TMIGD3: variants seen among roughly 807,000 people sequenced by gnomAD.
TMIGD3 encodes AD026 protein (AD026).
A neutral mutation model predicts 28.1 loss-of-function variants in TMIGD3; 21 were observed. The observed-to-expected ratio is 0.75, with a 90% CI of 0.53 to 1.08. The LOEUF (loss-of-function observed/expected upper bound fraction) is 1.08. Ranked by LOEUF, TMIGD3 falls within the 50% of genes least tolerant of loss-of-function variation. TMIGD3 has a pLI of 0.00. For synonymous variants in TMIGD3, 151 were observed against 162.1 expected (o/e 0.93, Z 0.52); for missense variants, 416 against 435.6 (o/e 0.96, Z 0.40).
chr1:111,562,243 C>T (rs932967325), intron 1 of TMIGD3, among the ~76,000 whole-genome samples: 1 of 152,140 alleles, frequency 6.6e-6, no homozygotes, highest in African/African-American at 2.4e-5. Flanking sequence ...GTTCCACATC[C>T]ATATCATTTT....
upstream of TMIGD3, among the ~76,000 whole-genome samples, chr1:111,505,482 GT>G (rs1299179386): frequency 6.6e-6 from 1 of 152,192 alleles, no homozygotes; most frequent in African/African-American, 2.4e-5. Flanking sequence ...CTTCCTTCAT[GT>G]TCTCTGAATA....
chr1:111,503,022 C>T lies in TMIGD3; in HGVS notation c.333G>A (p.Arg111=), dbSNP rs142571417. 3.5e-5 allele frequency: 57 copies of T among 1,613,932 alleles called. No individual in the cohort carries two copies. The highest frequency in any genetic ancestry group is 4.7e-5 in the Non-Finnish European group (56 of 1,179,942). Residue 111 remains arginine, a synonymous_variant, in exon 1 of 6, where the codon CGG becomes CGA. Coordinates refer to ENST00000369716, the MANE Select transcript of TMIGD3 (RefSeq NM_020683.7). ...CAGGCTACCTGACGGTAAGCTTGAC[C>T]CGCAAGTATCGGTCCACAGCGATGG... ...LLAIAVDRYL[R]VKLTVRFRIP...
At chr1:111,507,039 G>GTGTGTA (rs1393977787), upstream of TMIGD3, among the ~76,000 whole-genome samples, 2 of 126,138 alleles carry the variant, frequency 1.6e-5, no homozygotes, top group African/African-American at 6.0e-5. Flanking sequence ...GTGTGTGTGT[G>GTGTGTA]TATATATATA....
At chr1:111,486,732 G>A (rs1046248256) in intron 3 of TMIGD3, 80 bp from the exon 4 acceptor site, 1 of 1,162,938 alleles carries the variant, frequency 8.6e-7, no homozygotes, top group East Asian at 2.3e-5. Flanking sequence ...AGCTCTGCCT[G>A]TCATTCTATG....
chr1:111,542,190 T>C, intron 1 of TMIGD3: 4 of 512,738 alleles, frequency 7.8e-6, no homozygotes, highest in South Asian at 4.6e-5. Flanking sequence ...TGAAGGAAGA[T>C]CGTTTAGACC....
upstream of TMIGD3, among the ~76,000 whole-genome samples, chr1:111,506,897 A>T (rs1218989841): frequency 1.1e-4 from 15 of 131,470 alleles, no homozygotes; most frequent in East Asian, 4.4e-4. Flanking sequence ...AAAAACAAAA[A>T]ATATATATAT....
At chr1:111,556,291 A>G (rs561320015) in intron 1 of TMIGD3, among the ~76,000 whole-genome samples, 3 of 152,368 alleles carry the variant, frequency 2.0e-5, no homozygotes, top group South Asian at 4.1e-4. Flanking sequence ...TGGTGAGGCT[A>G]TAGAGAAATT....
At chr1:111,518,702 C>G (rs1655949194) in intron 1 of TMIGD3, among the ~76,000 whole-genome samples, 1 of 152,202 alleles carries the variant, frequency 6.6e-6, no homozygotes, top group Admixed American at 6.5e-5. Context: ...CATGCTCTCT[C>G]CTAGTTCCTA....
chr1:111,538,677 T>C (rs7541032), intron 1 of TMIGD3, among the ~76,000 whole-genome samples: 4,112 of 152,286 alleles, frequency 0.027, 154 homozygotes, highest in African/African-American at 0.078. Flanking sequence ...GGAGAAACAT[T>C]CTCAAGAATT....
chr1:111,555,362 TAAAAAAAAAAA>T (rs397981230), intron 1 of TMIGD3, among the ~76,000 whole-genome samples: 5 of 47,640 alleles, frequency 1.0e-4, no homozygotes, highest in African/African-American at 3.6e-4. Flanking sequence ...TGAGACTCTG[TAAAAAAAAAAA>T]AAAAAAAAAA....
intron 1 of TMIGD3, among the ~76,000 whole-genome samples, chr1:111,527,644 G>A (rs1221328643): frequency 6.6e-6 from 1 of 152,166 alleles, no homozygotes; most frequent in East Asian, 1.9e-4. Context: ...AATGCATCCT[G>A]TTCTATATCC....
chr1:111,560,795 T>A (rs1379061217), intron 1 of TMIGD3, among the ~76,000 whole-genome samples: 1 of 152,002 alleles, frequency 6.6e-6, no homozygotes, highest in East Asian at 1.9e-4. Context: ...CCTGGCTGGG[T>A]AAATAGTTCT....
chr1:111,538,188 C>T (rs1464689347), intron 1 of TMIGD3, among the ~76,000 whole-genome samples: 2 of 152,132 alleles, frequency 1.3e-5, no homozygotes, highest in African/African-American at 4.8e-5. Context: ...CAATTTGTGC[C>T]TCTGGAATTG....
intron 1 of TMIGD3, among the ~76,000 whole-genome samples, chr1:111,516,160 G>A (rs1655860268): frequency 1.3e-5 from 2 of 152,260 alleles, no homozygotes; most frequent in African/African-American, 4.8e-5. Flanking sequence ...ACCTCCCAGG[G>A]CCTTGCAGGC....
At chr1:111,563,952 T>C (rs1390846430) in exon 1 of TMIGD3, 1 of 1,612,054 alleles carries the variant, frequency 6.2e-7, no homozygotes, top group South Asian at 1.1e-5. Context: ...GACCCTTCCA[T>C]TGGTCCAACT....
At chr1:111,487,780 G>T (rs966717244) in intron 3 of TMIGD3, among the ~76,000 whole-genome samples, 1 of 152,126 alleles carries the variant, frequency 6.6e-6, no homozygotes, top group Admixed American at 6.5e-5. Context: ...TTACTAGTTG[G>T]ACCATGAAAT....
chr1:111,483,651 G>A lies in TMIGD3; in HGVS notation c.*36C>T, dbSNP rs755304447. 2.7e-6 allele frequency: 4 copies of A among 1,500,208 alleles called. No homozygotes were observed. Among genetic ancestry groups the A allele is most frequent in the African/African-American group, 2.8e-5 (2 of 72,270 alleles). 92.9% of individuals were successfully genotyped at this position (1,500,208 alleles called of 1,614,324 possible). A position where few individuals can be genotyped will look rare whatever the true frequency, so the allele number is the denominator to read the frequency against. ...TTGTCATGGTGATTATTCTGTTGTA[G>A]CATCACTTTATGAACTAAATTAAAA... On this transcript the variant is annotated 3_prime_UTR_variant, in exon 6 of 6. Transcript: ENST00000369716.
intron 1 of TMIGD3, chr1:111,542,564 T>G (rs1223915004): frequency 6.2e-6 from 1 of 160,530 alleles, no homozygotes; most frequent in African/African-American, 2.4e-5. Flanking sequence ...GCCAAAAGTA[T>G]GAATGCCCTT....
intron 1 of TMIGD3, among the ~76,000 whole-genome samples, chr1:111,540,592 C>T (rs558629377): frequency 4.6e-5 from 7 of 152,306 alleles, no homozygotes; most frequent in East Asian, 1.9e-4. Flanking sequence ...TCCTTTTCTC[C>T]ATTTACATGC....
Sources: allele counts gnomAD v4.1 joint callset (sites outside exome capture counted in the v4.1 genomes callset), GRCh38; gene constraint gnomAD v4.1.1; transcripts MANE v1.5; gene names NCBI Gene and HGNC (gene_info 2026-07-23, HGNC 2026-07-21).